Variants in MAP3K4 observed in about 807,000 individuals in gnomAD.
MAP3K4 encodes the protein mitogen-activated protein kinase kinase kinase 4, also known as MAP three kinase 1.
Under a neutral mutation model 185.6 loss-of-function variants are expected in MAP3K4, and 67 were observed. That is an observed-to-expected ratio of 0.36 (90% CI 0.30 to 0.44). MAP3K4 has a LOEUF of 0.44. Ranked by LOEUF, MAP3K4 falls within the 20% of genes least tolerant of loss-of-function variation. MAP3K4 has a pLI of 1.00. For missense variants in MAP3K4, 1,551 were observed against 1,995.1 expected, an observed-to-expected ratio of 0.78 and a Z score of 4.24; for synonymous variants, 702 against 710.4, an observed-to-expected ratio of 0.99 and a Z score of 0.19.
chr6:161,035,570 A>G (rs1783126735), intron 2 of MAP3K4, among the ~76,000 whole-genome samples: 1 of 152,220 alleles, frequency 6.6e-6, no homozygotes, highest in Admixed American at 6.5e-5. Flanking sequence ...ATTTTTCCAC[A>G]TAAGATACTT....
chr6:161,098,241 C>A lies in MAP3K4; in HGVS notation c.3525-37C>A. 1.3e-6 allele frequency: 2 copies of A among 1,585,420 alleles called. No homozygotes were observed. The highest frequency in any genetic ancestry group is 1.7e-6 in the Non-Finnish European group (2 of 1,162,614). ...ACAATTTTCAAGTCCGTTCCCTCTT[C>A]TCACATGTGTTCCTGAAGCTTTTCT... On this transcript the variant is annotated intron_variant, in intron 16 of 26. Coordinates refer to ENST00000392142, the MANE Select transcript of MAP3K4 (RefSeq NM_005922.4). This position sits in a 1 kb window ranked among gnomAD's most constrained non-coding sequence, Gnocchi z 4.4.
In MAP3K4 at chr6:161,096,258, A is replaced by G. The variant is rs957133299; in HGVS notation, c.3428-822A>G. Reference sequence around the variant, plus strand: ...AAAATCATGAAGAAACAGGATTTCCATTTAGGATAAAACCTATTTGGGATA... The same window carrying G: ...AAAATCATGAAGAAACAGGATTTCCGTTTAGGATAAAACCTATTTGGGATA... On this transcript the variant is annotated intron_variant, in intron 15 of 26. Coordinates refer to ENST00000392142, the MANE Select transcript of MAP3K4 (RefSeq NM_005922.4). This position sits in a 1 kb window ranked among gnomAD's most constrained non-coding sequence, Gnocchi z 4.9. Among the ~76,000 whole-genome samples, 1 of 152,274 alleles carries G rather than the reference A, an allele frequency of 6.6e-6. No individual in the cohort carries two copies. The highest frequency in any genetic ancestry group is 2.4e-5 in the African/African-American group (1 of 41,544).
At chr6:161,102,202 C>T (rs530636308) in intron 18 of MAP3K4, among the ~76,000 whole-genome samples, 1 of 152,132 alleles carries the variant, frequency 6.6e-6, no homozygotes, top group South Asian at 2.1e-4. Flanking sequence ...CCTTTTTAGC[C>T]CTGTTAGCAT....
At chr6:161,068,179 G>A (rs1356215953) in intron 3 of MAP3K4, among the ~76,000 whole-genome samples, 1 of 152,114 alleles carries the variant, frequency 6.6e-6, no homozygotes, top group Non-Finnish European at 1.5e-5. Context: ...GGTCTAATGG[G>A]TAAATAGATA....
chr6:161,108,662 C>A lies in MAP3K4; in HGVS notation c.4120-81C>A. 1 of 804,364 alleles carries A rather than the reference C, an allele frequency of 1.2e-6. No homozygotes were observed. The highest frequency in any genetic ancestry group is 2.2e-6 in the Non-Finnish European group (1 of 461,736). 49.8% of individuals were successfully genotyped at this position (804,364 alleles called of 1,614,324 possible). On this transcript the variant is annotated intron_variant, in intron 21 of 26. Coordinates refer to ENST00000392142, the MANE Select transcript of MAP3K4 (RefSeq NM_005922.4). This position sits in a 1 kb window ranked among gnomAD's most constrained non-coding sequence, Gnocchi z 5.7. ...CATGATTACATATATTTATGGGGTG[C>A]AAAATGATGTTTCAGTGTATGTGTA... is the stretch of plus-strand genomic sequence containing the variant.
intron 2 of MAP3K4, among the ~76,000 whole-genome samples, chr6:161,046,421 T>C (rs1038575242): frequency 4.6e-5 from 7 of 152,018 alleles, no homozygotes; most frequent in Non-Finnish European, 8.8e-5. Context: ...ACAATAAAAC[T>C]GTGAAGAAAT....
intron 15 of MAP3K4, among the ~76,000 whole-genome samples, chr6:161,095,410 A>G (rs2114877598): frequency 6.6e-6 from 1 of 152,362 alleles, no homozygotes; most frequent in East Asian, 1.9e-4. Context: ...ATGAATGAAA[A>G]TGAGAGCACA....
chr6:161,098,554 T>C lies in MAP3K4; in HGVS notation c.3674+127T>C. 3.6e-6 allele frequency: 4 copies of C among 1,125,250 alleles called. No individual in the cohort carries two copies. Among genetic ancestry groups the C allele is most frequent in the Non-Finnish European group, 4.9e-6 (4 of 818,874 alleles). The allele number at this position is 1,125,250 out of a possible 1,614,324, so 69.7% of individuals were successfully genotyped here. ...TTGCTGTGGCGTGTGAGTGATGCTCTAGGGCCTTCCGCAGGTTGTCACGGC... is the reference window on the plus strand; with the variant it reads ...TTGCTGTGGCGTGTGAGTGATGCTCCAGGGCCTTCCGCAGGTTGTCACGGC... On this transcript the variant is annotated intron_variant, in intron 17 of 26. Coordinates refer to ENST00000392142, the MANE Select transcript of MAP3K4 (RefSeq NM_005922.4). The surrounding 1 kb of genome is among the most constrained non-coding windows in gnomAD (Gnocchi z 4.4).
rs1226999038 is a variant in MAP3K4 at position 161,007,524 on chromosome 6, A to G, written c.152+15441A>G. Among the ~76,000 whole-genome samples the G allele has an allele frequency of 1.3e-5, 2 of 152,210 alleles. No individual in the cohort carries two copies. Among genetic ancestry groups the G allele is most frequent in the African/African-American group, 4.8e-5 (2 of 41,450 alleles). On this transcript the variant is annotated intron_variant, in intron 1 of 26. Transcript: ENST00000392142. This position sits in a 1 kb window ranked among gnomAD's most constrained non-coding sequence, Gnocchi z 4.5. ...CAGATAAAGTTAAACAGTTGTGTCA[A>G]GTGATGGGTGTGTAAGTGCCCAACT...
At chr6:161,102,918 C>G (rs1240139230) in intron 19 of MAP3K4, 139 bp downstream of exon 19, 3 of 587,978 alleles carry the variant, frequency 5.1e-6, no homozygotes, top group African/African-American at 3.8e-5. Context: ...GATCTCACAG[C>G]TCTGACATCA....
In MAP3K4 at chr6:161,112,607, TATTA is replaced by T. The variant is rs1477358450; in HGVS notation, c.4520-58_4520-55del. The T allele has an allele frequency of 1.1e-5, 11 of 986,442 alleles. No individual in the cohort carries two copies. Among genetic ancestry groups the T allele is most frequent in the Non-Finnish European group, 1.6e-5 (11 of 705,652 alleles). 61.1% of individuals were successfully genotyped at this position (986,442 alleles called of 1,614,324 possible). ...ACAATATTAATTTATTGCTTGGCTC[TATTA>T]ATACATGTTGATGTGTTTATAACCC... On this transcript the variant is annotated intron_variant, in intron 24 of 26. Coordinates refer to ENST00000392142, the MANE Select transcript of MAP3K4 (RefSeq NM_005922.4). The surrounding 1 kb of genome is among the most constrained non-coding windows in gnomAD (Gnocchi z 5.1).
chr6:161,112,103 C>A lies in MAP3K4; in HGVS notation c.4519+145C>A. On this transcript the variant is annotated intron_variant, in intron 24 of 26. Transcript: ENST00000392142. The surrounding 1 kb of genome is among the most constrained non-coding windows in gnomAD (Gnocchi z 5.1). ...GTGAGAAGGACCACTTCCTCACACACTTGGGCTCCCACGCAAGAGCAGCTG... is the reference window on the plus strand; with the variant it reads ...GTGAGAAGGACCACTTCCTCACACAATTGGGCTCCCACGCAAGAGCAGCTG... 1 of 1,028,104 alleles carries A rather than the reference C, an allele frequency of 9.7e-7. No individual in the cohort carries two copies. Among genetic ancestry groups the A allele is most frequent in the Non-Finnish European group, 1.4e-6 (1 of 726,254 alleles). The allele number at this position is 1,028,104 out of a possible 1,614,324, so 63.7% of individuals were successfully genotyped here.
rs1201709182 is a variant in MAP3K4 at position 161,056,637 on chromosome 6, C to G, written c.1707+6658C>G. On this transcript the variant is annotated intron_variant, in intron 3 of 26. Coordinates refer to ENST00000392142, the MANE Select transcript of MAP3K4 (RefSeq NM_005922.4). The surrounding 1 kb of genome is among the most constrained non-coding windows in gnomAD (Gnocchi z 5.4). ...TAGTTTCAGAATTGCTAACCAGTAC[C>G]CCTGTGAGGAATAAATTTATCAACT... Among the ~76,000 whole-genome samples the G allele has an allele frequency of 6.6e-6, 1 of 152,160 alleles. No homozygotes were observed. Among genetic ancestry groups the G allele is most frequent in the African/African-American group, 2.4e-5 (1 of 41,416 alleles).
intron 3 of MAP3K4, among the ~76,000 whole-genome samples, chr6:161,057,490 C>T (rs1423010382): frequency 1.3e-5 from 2 of 152,218 alleles, no homozygotes; most frequent in African/African-American, 4.8e-5. Context: ...AACCTGGCTG[C>T]ACCTCAGCAT....
At chr6:161,104,261 A>G (rs1028749137) in intron 19 of MAP3K4, among the ~76,000 whole-genome samples, 1 of 151,960 alleles carries the variant, frequency 6.6e-6, no homozygotes, top group African/African-American at 2.4e-5. Flanking sequence ...CTAAAAATAC[A>G]AAATTAGCCA....
intron 5 of MAP3K4, among the ~76,000 whole-genome samples, chr6:161,078,848 A>G (rs1785302447): frequency 6.6e-6 from 1 of 152,202 alleles, no homozygotes; most frequent in Non-Finnish European, 1.5e-5. Flanking sequence ...GTGGCTGATG[A>G]CGTAAATCTT....
At position 161,048,303 on chromosome 6, in the gene MAP3K4, C is replaced by T. The variant is rs542026393; in HGVS notation, c.344-313C>T. 30 of 570,266 alleles carry T rather than the reference C, an allele frequency of 5.3e-5. No homozygotes were observed. Among genetic ancestry groups the T allele is most frequent in the South Asian group, 1.8e-4 (13 of 71,672 alleles). 35.3% of individuals were successfully genotyped at this position (570,266 alleles called of 1,614,324 possible). A position where few individuals can be genotyped will look rare whatever the true frequency, so the allele number is the denominator to read the frequency against. On this transcript the variant is annotated intron_variant, in intron 2 of 26. Coordinates refer to ENST00000392142, the MANE Select transcript of MAP3K4 (RefSeq NM_005922.4). This position sits in a 1 kb window ranked among gnomAD's most constrained non-coding sequence, Gnocchi z 4.7. ...TCCTTAAATTGAAGGTGATTACTTACGGAAATTTGGTTAAATGATTTGATA... is the reference window on the plus strand; with the variant it reads ...TCCTTAAATTGAAGGTGATTACTTATGGAAATTTGGTTAAATGATTTGATA...
Position 161,067,740 on chromosome 6 carries a change from A to AT in MAP3K4, c.1708-2862dup, listed in dbSNP as rs1204347642. Reference sequence around the variant, plus strand: ...AACGTCTGTGTTTTAAGAGACAAGAATTTTTTCCTTTCAGACGTTTAATCT... The same window carrying AT: ...AACGTCTGTGTTTTAAGAGACAAGAATTTTTTTCCTTTCAGACGTTTAATCT... On this transcript the variant is annotated intron_variant, in intron 3 of 26. Transcript: ENST00000392142. This position sits in a 1 kb window ranked among gnomAD's most constrained non-coding sequence, Gnocchi z 6.3. Among the ~76,000 whole-genome samples, 1 of 152,226 alleles carries AT rather than the reference A, an allele frequency of 6.6e-6. No individual in the cohort carries two copies. Among genetic ancestry groups the AT allele is most frequent in the African/African-American group, 2.4e-5 (1 of 41,452 alleles).
chr6:161,115,232 C>T lies in MAP3K4; in HGVS notation c.4736C>T (p.Ser1579Phe). The T allele has an allele frequency of 6.2e-7, 1 of 1,614,164 alleles. No homozygotes were observed. Among genetic ancestry groups the T allele is most frequent in the East Asian group, 2.2e-5 (1 of 44,882 alleles). The change falls in exon 26 of 27, where the codon TCT becomes TTT. Residue 1579 changes from serine to phenylalanine, a missense_variant. Ser to Phe is a radical substitution (Grantham distance 155). Transcript: ENST00000392142. The surrounding 1 kb of genome is among the most constrained non-coding windows in gnomAD (Gnocchi z 6.0). ...AGCCCTGAAGGAAAGGACTTCCTTTCTCACTGCCTTGAGAGTGACCCAAAG... is the reference window on the plus strand; with the variant it reads ...AGCCCTGAAGGAAAGGACTTCCTTTTTCACTGCCTTGAGAGTGACCCAAAG... ...RLSPEGKDFL[S>F]HCLESDPKMR...
Sources: allele counts gnomAD v4.1 joint callset (sites outside exome capture counted in the v4.1 genomes callset), GRCh38; gene constraint gnomAD v4.1.1; non-coding constraint Gnocchi (gnomAD v3.1); transcripts MANE v1.5; gene names NCBI Gene and HGNC (gene_info 2026-07-23, HGNC 2026-07-21).